The following SH2D3C variants were observed in gnomAD, a reference collection of about 807,000 sequenced individuals.
SH2D3C encodes the protein SH2 domain-containing protein 3C.
A neutral mutation model predicts 75.2 loss-of-function variants in SH2D3C; 25 were observed. That is an observed-to-expected ratio of 0.33 (90% CI 0.24 to 0.46). The LOEUF (loss-of-function observed/expected upper bound fraction) is 0.46, where lower values mean the gene tolerates loss of function less well. Among genes scored for constraint, SH2D3C ranks in the 20% least tolerant of loss-of-function variants. The probability of loss-of-function intolerance (pLI) is 1.00; values close to 1 mark genes in which losing one functional copy is unlikely to be tolerated. For synonymous variants in SH2D3C, 450 were observed against 473.7 expected (o/e 0.95, Z 0.65); for missense variants, 933 against 1,165.3 (o/e 0.80, Z 2.90).
At chr9:127,765,502 G>C (rs539155597) in intron 2 of SH2D3C, among the ~76,000 whole-genome samples, 1 of 152,094 alleles carries the variant, frequency 6.6e-6, no homozygotes, top group Non-Finnish European at 1.5e-5. Context: ...CCTCCTGGCT[G>C]GGCCCTCTGT....
intron 2 of SH2D3C, among the ~76,000 whole-genome samples, chr9:127,771,743 G>C (rs1430600583): frequency 6.6e-6 from 1 of 152,208 alleles, no homozygotes; most frequent in Non-Finnish European, 1.5e-5. Context: ...CCCATCATCA[G>C]GCCCTCTCAG....
chr9:127,763,058 C>A (rs1845567499), intron 2 of SH2D3C, among the ~76,000 whole-genome samples: 1 of 152,216 alleles, frequency 6.6e-6, no homozygotes, highest in East Asian at 1.9e-4. Context: ...TCTGCCCCAC[C>A]CTCCTTGGCA....
chr9:127,762,376 T>G lies in SH2D3C; in HGVS notation c.516-726A>C, dbSNP rs958933439. On this transcript the variant is annotated intron_variant, in intron 2 of 11. Coordinates refer to ENST00000314830, the MANE Select transcript of SH2D3C (RefSeq NM_170600.3). ...TGGACCTGCCCCTCCAACCCCAGAC[T>G]TGGAAACCCAACTACCTCCTGGACG... is the stretch of plus-strand genomic sequence containing the variant. 3 of 1,264,080 alleles carry G rather than the reference T, an allele frequency of 2.4e-6. No homozygotes were observed. In the African/African-American group the frequency reaches 4.6e-5, roughly 19 times the overall value. 78.3% of individuals were successfully genotyped at this position (1,264,080 alleles called of 1,614,324 possible). A position where few individuals can be genotyped will look rare whatever the true frequency, so the allele number is the denominator to read the frequency against.
intron 2 of SH2D3C, chr9:127,767,293 A>G: frequency 2.8e-6 from 4 of 1,441,480 alleles, no homozygotes; most frequent in Non-Finnish European, 2.7e-6. Context: ...GAGAGAAAAG[A>G]AAAGGCATCT....
Position 127,751,340 on chromosome 9 carries a change from T to G in SH2D3C, c.556-40A>C. On this transcript the variant is annotated intron_variant, in intron 3 of 11. Coordinates refer to ENST00000314830, the MANE Select transcript of SH2D3C (RefSeq NM_170600.3). This position sits in a 1 kb window ranked among gnomAD's most constrained non-coding sequence, Gnocchi z 4.1. ...GCAAGAGTTGGCATCCAACTTAAAG[T>G]CTCCTTCTTCTTTCCCTCCCAACTT... The G allele has an allele frequency of 3.1e-6, 5 of 1,601,778 alleles. No individual in the cohort carries two copies. The highest frequency in any genetic ancestry group is 4.3e-6 in the Non-Finnish European group (5 of 1,171,646).
Position 127,751,694 on chromosome 9 carries a change from G to C in SH2D3C, c.556-394C>G, listed in dbSNP as rs138055991. Among the ~76,000 whole-genome samples the C allele has an allele frequency of 6.6e-6, 1 of 152,358 alleles. No individual in the cohort carries two copies. The highest frequency in any genetic ancestry group is 1.9e-4 in the East Asian group (1 of 5,178). On this transcript the variant is annotated intron_variant, in intron 3 of 11. Coordinates refer to ENST00000314830, the MANE Select transcript of SH2D3C (RefSeq NM_170600.3). This position sits in a 1 kb window ranked among gnomAD's most constrained non-coding sequence, Gnocchi z 4.1. ...AGCGGGATTAAGCCTGGGCACGACA[G>C]AGGGGTCTCGGAAGCCTTCCTGGAG... is the stretch of plus-strand genomic sequence containing the variant.
chr9:127,774,920 T>C lies in SH2D3C; in HGVS notation c.38-453A>G, dbSNP rs1202337996. Among the ~76,000 whole-genome samples the C allele has an allele frequency of 6.6e-6, 1 of 151,888 alleles. No homozygotes were observed. The highest frequency in any genetic ancestry group is 2.4e-5 in the African/African-American group (1 of 41,348). On this transcript the variant is annotated intron_variant, in intron 1 of 11. Transcript: ENST00000314830. This position sits in a 1 kb window ranked among gnomAD's most constrained non-coding sequence, Gnocchi z 4.3. ...GCCTGGACAACATGATGAAACCCCTTCTCTACTAACAATACAAACATTAGC... is the reference window on the plus strand; with the variant it reads ...GCCTGGACAACATGATGAAACCCCTCCTCTACTAACAATACAAACATTAGC...
chr9:127,756,764 C>T (rs140916330), intron 3 of SH2D3C, among the ~76,000 whole-genome samples: 231 of 151,712 alleles, frequency 1.5e-3, no homozygotes, highest in African/African-American at 5.4e-3. Flanking sequence ...CCTGCCTCAG[C>T]CTCTCCGAGT....
At chr9:127,764,696 T>TTTGTTGTTG (rs762740248) in intron 2 of SH2D3C, among the ~76,000 whole-genome samples, 6 of 151,842 alleles carry the variant, frequency 4.0e-5, no homozygotes, top group African/African-American at 1.5e-4. Context: ...CCTCCTGCTC[T>TTTGTTGTTG]TTGTTGTTGT....
chr9:127,772,915 C>A (rs1162007553), intron 2 of SH2D3C, among the ~76,000 whole-genome samples: 1 of 151,870 alleles, frequency 6.6e-6, no homozygotes, highest in Non-Finnish European at 1.5e-5. Context: ...CTCACTGCAA[C>A]CTCCATCTCC....
At position 127,745,119 on chromosome 9, in the gene SH2D3C, G is replaced by C. The variant is rs201064494; in HGVS notation, c.1265-20C>G. ...GGGTTACTGCAGAAAGGTAGAGAGA[G>C]AGGCCCCGTTATAGCAGCTCCCCAC... On this transcript the variant is annotated intron_variant, in intron 6 of 11. Coordinates refer to ENST00000314830, the MANE Select transcript of SH2D3C (RefSeq NM_170600.3). The C allele has an allele frequency of 1.4e-6, 2 of 1,479,046 alleles. No individual in the cohort carries two copies. The highest frequency in any genetic ancestry group is 4.6e-5 in the East Asian group (2 of 43,102). The allele number at this position is 1,479,046 out of a possible 1,614,324, so 91.6% of individuals were successfully genotyped here.
chr9:127,749,123 A>G lies in SH2D3C; in HGVS notation c.1139+88T>C. On this transcript the variant is annotated intron_variant, in intron 5 of 11. Coordinates refer to ENST00000314830, the MANE Select transcript of SH2D3C (RefSeq NM_170600.3). The surrounding 1 kb of genome is among the most constrained non-coding windows in gnomAD (Gnocchi z 5.9). ...ACAGAGGCTCCAGGAGAGTAATTTCATCCCATTTCAGTGTACCTAGGCCTT... is the reference window on the plus strand; with the variant it reads ...ACAGAGGCTCCAGGAGAGTAATTTCGTCCCATTTCAGTGTACCTAGGCCTT... 3.1e-6 allele frequency: 3 copies of G among 977,658 alleles called. No homozygotes were observed. The highest frequency in any genetic ancestry group is 4.6e-6 in the Non-Finnish European group (3 of 657,724). 60.6% of individuals were successfully genotyped at this position (977,658 alleles called of 1,614,324 possible). A position where few individuals can be genotyped will look rare whatever the true frequency, so the allele number is the denominator to read the frequency against.
intron 2 of SH2D3C, among the ~76,000 whole-genome samples, chr9:127,769,781 T>C (rs1043598991): frequency 6.6e-6 from 1 of 152,114 alleles, no homozygotes; most frequent in African/African-American, 2.4e-5. Context: ...GATCAAATAG[T>C]GAGGCCTGAC....
Position 127,739,817 on chromosome 9 carries a change from C to A in SH2D3C, c.2272G>T (p.Ala758Ser). 6.3e-7 allele frequency: 1 copy of A among 1,587,898 alleles called. No homozygotes were observed. The highest frequency in any genetic ancestry group is 8.6e-7 in the Non-Finnish European group (1 of 1,167,276). Residue 758 changes from alanine to serine, a missense_variant, in exon 11 of 12, where the codon GCC becomes TCC. By Grantham distance (99) the Ala-to-Ser change is moderately conservative. Transcript: ENST00000314830. The surrounding 1 kb of genome is among the most constrained non-coding windows in gnomAD (Gnocchi z 4.3). The part of the protein sequence containing the change: ...PLITLLECDS[A>S]PPEGPEPWGS... ...CAGGGCTCAGGGCCCTCTGGTGGGGCCGAGTCACACTCCAGCAGGGTGATG... is the reference window on the plus strand; with the variant it reads ...CAGGGCTCAGGGCCCTCTGGTGGGGACGAGTCACACTCCAGCAGGGTGATG...
chr9:127,746,784 A>G (rs1845043460), intron 6 of SH2D3C, among the ~76,000 whole-genome samples: 1 of 152,236 alleles, frequency 6.6e-6, no homozygotes, highest in African/African-American at 2.4e-5. Context: ...CTAAAAATAC[A>G]AAAATTAGCC....
rs1845059119 is a variant in SH2D3C, at chr9:127,747,276, G to T, written c.1140-5C>A. 1 of 1,611,130 alleles carries T rather than the reference G, an allele frequency of 6.2e-7. No homozygotes were observed. The highest frequency in any genetic ancestry group is 1.3e-5 in the African/African-American group (1 of 75,020). ...CGAGGGCGGGGCAGCGACGTACTGT[G>T]GAGCAGACACCATCATGGGCAGGGA... is the stretch of plus-strand genomic sequence containing the variant. On this transcript the variant is annotated splice_region_variant and splice_polypyrimidine_tract_variant and intron_variant, in intron 5 of 11. Coordinates refer to ENST00000314830, the MANE Select transcript of SH2D3C (RefSeq NM_170600.3).
chr9:127,759,784 C>T (rs551349763), intron 3 of SH2D3C, among the ~76,000 whole-genome samples: 1 of 152,024 alleles, frequency 6.6e-6, no homozygotes, highest in South Asian at 2.1e-4. Flanking sequence ...GAGATCAAGA[C>T]CATCCTGGCT....
Position 127,744,973 on chromosome 9 carries a change from T to G in SH2D3C, c.1391A>C (p.Asp464Ala). The G allele has an allele frequency of 6.5e-7, 1 of 1,548,572 alleles. No homozygotes were observed. Among genetic ancestry groups the G allele is most frequent in the Non-Finnish European group, 8.7e-7 (1 of 1,146,730 alleles). ...GGAGGGGCTGGTGTGGGGGCCCTTG[T>G]CTGACTCCCCATGGGTCTTTGGGGC... ...GSAPKTHGES[D>A]KGPHTSPSHT... is the part of the protein sequence containing the mutation. Residue 464 changes from aspartate to alanine, a missense_variant, in exon 7 of 12, where the codon GAC becomes GCC. Transcript: ENST00000314830.
intron 2 of SH2D3C, chr9:127,762,165 G>A (rs958707964): frequency 1.3e-5 from 15 of 1,178,238 alleles, no homozygotes; most frequent in Middle Eastern, 3.8e-4. Context: ...CACGGCCACT[G>A]CCCAGCTGAC....
Sources: gnomAD v4.1 joint callset for allele counts (sites outside exome capture counted in the v4.1 genomes callset) on GRCh38, gnomAD v4.1.1 for gene constraint, Gnocchi (gnomAD v3.1) non-coding constraint, MANE v1.5 for transcripts, NCBI Gene and HGNC (gene_info 2026-07-23, HGNC 2026-07-21) for gene names.